The following PDE10A variants were observed in gnomAD, a reference collection of about 807,000 sequenced individuals.
PDE10A encodes phosphodiesterase 10A.
Under a neutral mutation model 97.7 loss-of-function variants are expected in PDE10A, and 39 were observed. The observed-to-expected ratio is 0.40, with a 90% CI of 0.31 to 0.52. The LOEUF is 0.52. Ranked by LOEUF, PDE10A falls within the 20% of genes least tolerant of loss-of-function variation. The probability of loss-of-function intolerance (pLI) is 0.56; values close to 1 mark genes in which losing one functional copy is unlikely to be tolerated. For missense variants in PDE10A, 731 were observed against 1,047.8 expected (o/e 0.70, Z 4.17); for synonymous variants, 371 against 376.8 (o/e 0.98, Z 0.18).
chr6:165,957,571 G>A (rs1437567699), intron 1 of PDE10A, among the ~76,000 whole-genome samples: 2 of 152,162 alleles, frequency 1.3e-5, no homozygotes, highest in African/African-American at 4.8e-5. Flanking sequence ...CCCTCTGTCA[G>A]CCACTGTGCT....
chr6:165,624,286 A>G (rs1788282725), intron 1 of PDE10A, among the ~76,000 whole-genome samples: 1 of 151,978 alleles, frequency 6.6e-6, no homozygotes. Context: ...ACCCATGTAC[A>G]TCCATCTTCC....
chr6:165,973,428 T>A (rs55907669), intron 1 of PDE10A, among the ~76,000 whole-genome samples: 75,833 of 144,770 alleles, frequency 0.52, 20,326 homozygotes, highest in East Asian at 0.82. Context: ...AAAAAAAAAA[T>A]AAAATAAAAA....
intron 1 of PDE10A, among the ~76,000 whole-genome samples, chr6:165,794,314 A>G (rs887035154): frequency 6.6e-6 from 1 of 151,308 alleles, no homozygotes; most frequent in Non-Finnish European, 1.5e-5. Flanking sequence ...ACACGCTCAC[A>G]CATACTCATC....
chr6:165,795,913 C>T (rs1315454107), intron 1 of PDE10A, among the ~76,000 whole-genome samples: 3 of 152,080 alleles, frequency 2.0e-5, no homozygotes, highest in Non-Finnish European at 4.4e-5. Flanking sequence ...TCCATACCTC[C>T]TCAGACTGTT....
chr6:165,393,466 A>G (rs1213362173), intron 15 of PDE10A, among the ~76,000 whole-genome samples: 1 of 151,928 alleles, frequency 6.6e-6, no homozygotes, highest in Non-Finnish European at 1.5e-5. Context: ...AGACAGCTTA[A>G]AACAAAAGCA....
chr6:165,823,524 A>ATATATATATATATG (rs72442429), intron 1 of PDE10A, among the ~76,000 whole-genome samples: 2,188 of 79,198 alleles, frequency 0.028, 367 homozygotes, highest in Non-Finnish European at 0.044. Context: ...ATATATATAT[A>ATATATATATATATG]TGAACCTTAA....
intron 3 of PDE10A, among the ~76,000 whole-genome samples, chr6:165,472,404 T>C (rs936211194): frequency 3.3e-5 from 5 of 152,152 alleles, no homozygotes; most frequent in Admixed American, 1.3e-4. Context: ...TTTTATGGAA[T>C]TGATCTATTT....
intron 1 of PDE10A, among the ~76,000 whole-genome samples, chr6:165,959,275 G>T (rs564609089): frequency 6.6e-6 from 1 of 152,120 alleles, no homozygotes; most frequent in Non-Finnish European, 1.5e-5. Context: ...AGCAAGAGGC[G>T]ATTTCCTCTT....
intron 1 of PDE10A, among the ~76,000 whole-genome samples, chr6:165,561,975 A>G (rs1784545403): frequency 6.6e-6 from 1 of 152,204 alleles, no homozygotes; most frequent in African/African-American, 2.4e-5. Context: ...TTTGAATTTC[A>G]GAAAATAAAT....
intron 2 of PDE10A, among the ~76,000 whole-genome samples, chr6:165,500,504 A>C (rs1329903553): frequency 6.6e-6 from 1 of 152,202 alleles, no homozygotes; most frequent in Non-Finnish European, 1.5e-5. Flanking sequence ...AAGGGCTTGA[A>C]GGCAGTATGC....
chr6:165,381,733 G>A (rs750254551), intron 17 of PDE10A, among the ~76,000 whole-genome samples: 4 of 149,020 alleles, frequency 2.7e-5, no homozygotes, highest in Non-Finnish European at 3.0e-5. Flanking sequence ...TGCCTGCATC[G>A]GCCTCCCAAA....
At chr6:165,578,798 AAGTAAT>A (rs1371438499) in intron 1 of PDE10A, among the ~76,000 whole-genome samples, 9 of 152,178 alleles carry the variant, frequency 5.9e-5, no homozygotes, top group African/African-American at 9.7e-5. Flanking sequence ...CGCCTCTGCT[AAGTAAT>A]GGTAAAATGA....
intron 1 of PDE10A, among the ~76,000 whole-genome samples, chr6:165,776,184 T>C (rs1453855523): frequency 1.3e-5 from 2 of 152,252 alleles, no homozygotes; most frequent in African/African-American, 4.8e-5. Flanking sequence ...ATTTTTAGAT[T>C]GACTGTGGTT....
chr6:165,428,950 GTA>G (rs951866260), intron 9 of PDE10A, among the ~76,000 whole-genome samples: 20 of 152,012 alleles, frequency 1.3e-4, no homozygotes, highest in African/African-American at 4.6e-4. Flanking sequence ...AATGCAATCA[GTA>G]TTTATTTTAT....
At chr6:165,384,409 C>T (rs919771060) in intron 17 of PDE10A, among the ~76,000 whole-genome samples, 2 of 152,228 alleles carry the variant, frequency 1.3e-5, no homozygotes, top group Non-Finnish European at 2.9e-5. Flanking sequence ...CATTAAGGCA[C>T]AATGGGAAGC....
intron 1 of PDE10A, among the ~76,000 whole-genome samples, chr6:165,808,346 C>T (rs923969): frequency 0.17 from 26,117 of 152,136 alleles, 2,346 homozygotes; most frequent in African/African-American, 0.23. Context: ...GCTCTGTGCT[C>T]CCCTGGTTCA....
intron 1 of PDE10A, among the ~76,000 whole-genome samples, chr6:165,877,385 C>T (rs1781369356): frequency 6.6e-6 from 1 of 152,192 alleles, no homozygotes; most frequent in South Asian, 2.1e-4. Context: ...TGGCTTCCTC[C>T]TCATTCACAT....
At chr6:165,442,150 TTTA>T (rs1790514372) in intron 5 of PDE10A, among the ~76,000 whole-genome samples, 1 of 152,188 alleles carries the variant, frequency 6.6e-6, no homozygotes, top group Non-Finnish European at 1.5e-5. Flanking sequence ...TTTAATTTTT[TTTA>T]TTATTATACT....
rs1791906380 is a variant in PDE10A, at chr6:165,711,993, A to G, written c.-614-168425T>C. Among the ~76,000 whole-genome samples the G allele has an allele frequency of 6.6e-6, 1 of 152,148 alleles. No individual in the cohort carries two copies. The highest frequency in any genetic ancestry group is 2.4e-5 in the African/African-American group (1 of 41,418). On this transcript the variant is annotated intron_variant, in intron 1 of 19. Transcript: ENST00000366882. This position sits in a 1 kb window ranked among gnomAD's most constrained non-coding sequence, Gnocchi z 4.5. ...TTGGACCCCACAGGTGGCCACTGTG[A>G]ATTCCTCACTGGTCTTTATTGCTGA... is the stretch of plus-strand genomic sequence containing the variant.
Sources: gnomAD v4.1 joint callset for allele counts (sites outside exome capture counted in the v4.1 genomes callset) on GRCh38, gnomAD v4.1.1 for gene constraint, Gnocchi (gnomAD v3.1) non-coding constraint, MANE v1.5 for transcripts, NCBI Gene and HGNC (gene_info 2026-07-23, HGNC 2026-07-21) for gene names.